PRELID2: variants seen among roughly 807,000 people sequenced by gnomAD.
PRELID2 encodes the protein PRELI domain containing 2.
Under a neutral mutation model 28.4 loss-of-function variants are expected in PRELID2, and 25 were observed. The ratio of observed to expected loss-of-function variants is 0.88; its 90% confidence interval spans 0.64 to 1.23. The LOEUF (loss-of-function observed/expected upper bound fraction) is 1.23, where lower values mean the gene tolerates loss of function less well. PRELID2 is among the 50% of genes most tolerant of loss of function. The pLI is 0.00. For missense variants in PRELID2, 201 were observed against 214.4 expected (o/e 0.94, Z 0.39); for synonymous variants, 76 against 71.6 (o/e 1.06, Z -0.31).
the PRELID2 span, among the ~76,000 whole-genome samples, chr5:145,233,723 A>C: frequency 6.6e-6 from 1 of 152,162 alleles, no homozygotes. Context: ...CATCGTTTCT[A>C]TTGCAACAAA....
Position 145,711,566 on chromosome 5 carries a change from T to C in PRELID2, n.70+53365A>G, listed in dbSNP as rs182472559. ...CCTGCCAAGTCTCTCCCACAGACCT[T>C]CACTGGGTGCTTACATGGAAATCTG... On this transcript the variant is annotated intron_variant and non_coding_transcript_variant, in intron 1 of 2. Coordinates refer to the PRELID2 transcript ENST00000510259. 4.6e-3 allele frequency among the ~76,000 whole-genome samples: 696 copies of C among 152,254 alleles called. 7 individuals are homozygous for C. Among genetic ancestry groups the C allele is most frequent in the African/African-American group, 0.016 (673 of 41,532 alleles).
intron 1 of PRELID2, among the ~76,000 whole-genome samples, chr5:145,611,771 ATTGT>A (rs1467606876): frequency 2.0e-5 from 3 of 152,200 alleles, no homozygotes; most frequent in African/African-American, 4.8e-5. Context: ...TGCTTGTTTG[ATTGT>A]TTGTTGTGGT....
At chr5:145,664,622 G>A (rs991389439) in intron 1 of PRELID2, among the ~76,000 whole-genome samples, 1 of 152,066 alleles carries the variant, frequency 6.6e-6, no homozygotes, top group Non-Finnish European at 1.5e-5. Context: ...GCAAAGGAAT[G>A]CACCCCGTCC....
intron 1 of PRELID2, among the ~76,000 whole-genome samples, chr5:145,587,714 A>C (rs1753173684): frequency 6.6e-6 from 1 of 152,170 alleles, no homozygotes; most frequent in Non-Finnish European, 1.5e-5. Flanking sequence ...CTTTACAAAC[A>C]GCCCAATCAT....
chr5:145,777,444 A>G (rs138690860), intron 5 of PRELID2, among the ~76,000 whole-genome samples: 154 of 152,314 alleles, frequency 1.0e-3, no homozygotes, highest in African/African-American at 2.5e-3. Context: ...CCCACTGTCT[A>G]GTTTAAATCT....
chr5:145,643,280 TG>T (rs1754139490), intron 1 of PRELID2, among the ~76,000 whole-genome samples: 1 of 152,192 alleles, frequency 6.6e-6, no homozygotes, highest in African/African-American at 2.4e-5. Flanking sequence ...TAGTAGCAAT[TG>T]TAAATGGGAG....
intron 1 of PRELID2, among the ~76,000 whole-genome samples, chr5:145,514,178 G>T (rs184034223): frequency 1.3e-5 from 2 of 151,992 alleles, no homozygotes; most frequent in Non-Finnish European, 2.9e-5. Context: ...GTTAAATGCC[G>T]CAATTGAAAG....
intron 1 of PRELID2, among the ~76,000 whole-genome samples, chr5:145,512,674 C>T: frequency 6.6e-6 from 1 of 152,206 alleles, no homozygotes; most frequent in East Asian, 1.9e-4. Flanking sequence ...TCCCTGACCC[C>T]ATGCCTCCTG....
chr5:145,302,953 G>A, the PRELID2 span, among the ~76,000 whole-genome samples: 4 of 152,118 alleles, frequency 2.6e-5, no homozygotes, highest in Non-Finnish European at 5.9e-5. Flanking sequence ...GATTTGGGGA[G>A]CATAACACAT....
chr5:145,515,825 C>T (rs1049876012), intron 1 of PRELID2, among the ~76,000 whole-genome samples: 1 of 152,098 alleles, frequency 6.6e-6, no homozygotes, highest in Non-Finnish European at 1.5e-5. Context: ...GGGACGCAAG[C>T]CTGGTTCAGC....
At chr5:145,598,339 T>C (rs767716264) in intron 1 of PRELID2, among the ~76,000 whole-genome samples, 3 of 152,070 alleles carry the variant, frequency 2.0e-5, no homozygotes, top group African/African-American at 4.8e-5. Flanking sequence ...CTCTAAGTAA[T>C]AGGGTGCTGC....
intron 1 of PRELID2, among the ~76,000 whole-genome samples, chr5:145,652,201 A>C (rs1270194296): frequency 6.6e-6 from 1 of 152,164 alleles, no homozygotes; most frequent in Non-Finnish European, 1.5e-5. Context: ...AGAAGTTTAG[A>C]AAAAAAGAAT....
chr5:145,702,855 A>G (rs1755441834), intron 1 of PRELID2, among the ~76,000 whole-genome samples: 1 of 152,242 alleles, frequency 6.6e-6, no homozygotes, highest in African/African-American at 2.4e-5. Context: ...TACCACTTCT[A>G]TGTGGGCTTG....
At chr5:145,257,178 T>C in the PRELID2 span, among the ~76,000 whole-genome samples, 3 of 152,060 alleles carry the variant, frequency 2.0e-5, 1 homozygote, top group African/African-American at 7.2e-5. Context: ...TTTAACAGTG[T>C]AATGTGTGGT....
the PRELID2 span, among the ~76,000 whole-genome samples, chr5:145,372,539 G>A: frequency 6.6e-6 from 1 of 151,892 alleles, no homozygotes; most frequent in African/African-American, 2.4e-5. Context: ...CTTGTATTGG[G>A]TGCATATATA....
chr5:145,521,610 A>C (rs1318818675), intron 1 of PRELID2, among the ~76,000 whole-genome samples: 1 of 152,162 alleles, frequency 6.6e-6, no homozygotes, highest in African/African-American at 2.4e-5. Flanking sequence ...GAATGGATAC[A>C]TTCAAGGACC....
At chr5:145,452,272 A>G in the PRELID2 span, among the ~76,000 whole-genome samples, 1 of 152,126 alleles carries the variant, frequency 6.6e-6, no homozygotes, top group East Asian at 1.9e-4. Context: ...TCATTAGCAT[A>G]GTTTTATAAG....
At chr5:145,731,897 G>C (rs564544515) in intron 1 of PRELID2, among the ~76,000 whole-genome samples, 2 of 152,144 alleles carry the variant, frequency 1.3e-5, no homozygotes, top group Non-Finnish European at 2.9e-5. Flanking sequence ...ATCTCCTAGA[G>C]TACACTTTTG....
chr5:145,241,103 A>G, the PRELID2 span, among the ~76,000 whole-genome samples: 1 of 152,052 alleles, frequency 6.6e-6, no homozygotes, highest in African/African-American at 2.4e-5. Context: ...GTGGACACAG[A>G]ACAGTACCTG....
Sources: gnomAD v4.1 joint callset for allele counts (sites outside exome capture counted in the v4.1 genomes callset) on GRCh38, gnomAD v4.1.1 for gene constraint, MANE v1.5 for transcripts, NCBI Gene and HGNC (gene_info 2026-07-23, HGNC 2026-07-21) for gene names.